The following GNG12 variants were observed in gnomAD, a reference collection of about 807,000 sequenced individuals.
GNG12 encodes G protein subunit gamma 12.
For synonymous variants in GNG12, 28 were observed against 29.7 expected, an observed-to-expected ratio of 0.94 and a Z score of 0.19; for missense variants, 69 against 83.8, an observed-to-expected ratio of 0.82 and a Z score of 0.69.
chr1:67,743,743 A>G (rs1282058465), intron 2 of GNG12, among the ~76,000 whole-genome samples: 1 of 152,232 alleles, frequency 6.6e-6, no homozygotes, highest in Non-Finnish European at 1.5e-5. Context: ...AGACACTTCT[A>G]TATTTCTATT....
intron 1 of GNG12, among the ~76,000 whole-genome samples, chr1:67,786,840 A>T (rs1257773499): frequency 6.6e-6 from 1 of 151,840 alleles, no homozygotes; most frequent in Non-Finnish European, 1.5e-5. Context: ...GGGAGGCTGA[A>T]GCAGGAGAAC....
chr1:67,749,156 TAAG>T (rs1646524419), intron 2 of GNG12, among the ~76,000 whole-genome samples: 1 of 152,176 alleles, frequency 6.6e-6, no homozygotes, highest in Admixed American at 6.5e-5. Context: ...AAAAGGTGTC[TAAG>T]AAGAATAGTC....
chr1:67,733,271 G>A (rs1002610353), intron 2 of GNG12, among the ~76,000 whole-genome samples: 2 of 151,808 alleles, frequency 1.3e-5, no homozygotes, highest in African/African-American at 4.8e-5. Flanking sequence ...TTTTTTAAAT[G>A]AAAAAAATGT....
Position 67,802,163 on chromosome 1 carries a change from T to C in GNG12, c.-76-24656A>G, listed in dbSNP as rs779328135. ...CTGGGTGACCAGAGGAATGAACTCA[T>C]ATGAAGGGGCCAAGGAGGCTGGTAC... On this transcript the variant is annotated intron_variant, in intron 1 of 3. Transcript: ENST00000370982. 2.0e-5 allele frequency among the ~76,000 whole-genome samples: 3 copies of C among 151,954 alleles called. No homozygotes were observed. In the South Asian group the frequency reaches 6.2e-4, roughly 32 times the overall value.
intron 2 of GNG12, among the ~76,000 whole-genome samples, chr1:67,730,449 G>C (rs1322955622): frequency 6.6e-6 from 1 of 152,170 alleles, no homozygotes; most frequent in African/African-American, 2.4e-5. Flanking sequence ...AGGTTGCAGT[G>C]AGCTGAGATC....
At chr1:67,787,036 A>AGAGT (rs374559466) in intron 1 of GNG12, among the ~76,000 whole-genome samples, 7 of 131,368 alleles carry the variant, frequency 5.3e-5, no homozygotes, top group African/African-American at 6.1e-5. Flanking sequence ...TATGTGTATA[A>AGAGT]GTGTGTGTGT....
rs76212667 is a variant in GNG12, at chr1:67,737,855, G to A, written c.-26-30143C>T. ...AAGGGCTCACCCTTTGCAATAAACT[G>A]TCCACTCCCCTTACCATTCCTTGCC... On this transcript the variant is annotated intron_variant, in intron 2 of 3. Coordinates refer to ENST00000370982, the MANE Select transcript of GNG12 (RefSeq NM_018841.6). 2.9e-3 allele frequency among the ~76,000 whole-genome samples: 442 copies of A among 152,220 alleles called. 2 individuals are homozygous for A. Among genetic ancestry groups the A allele is most frequent in the African/African-American group, 9.5e-3 (394 of 41,530 alleles).
chr1:67,770,179 C>A (rs978509575), intron 2 of GNG12, among the ~76,000 whole-genome samples: 3 of 152,106 alleles, frequency 2.0e-5, no homozygotes, highest in African/African-American at 7.2e-5. Flanking sequence ...CTCTAAGACC[C>A]AGAAGGAGGA....
At chr1:67,761,464 C>A (rs551870582) in intron 2 of GNG12, among the ~76,000 whole-genome samples, 2 of 152,138 alleles carry the variant, frequency 1.3e-5, no homozygotes, top group Non-Finnish European at 2.9e-5. Context: ...GTATTGGTGT[C>A]CTCAGGCTCT....
At chr1:67,831,793 AAAAAC>A (rs754020221) in intron 1 of GNG12, among the ~76,000 whole-genome samples, 33 of 152,240 alleles carry the variant, frequency 2.2e-4, no homozygotes, top group Non-Finnish European at 3.7e-4. Context: ...TTAAAAAAAC[AAAAAC>A]AAAACAAAAC....
chr1:67,745,497 C>A (rs1001842055), intron 2 of GNG12, among the ~76,000 whole-genome samples: 9 of 152,238 alleles, frequency 5.9e-5, no homozygotes, highest in Non-Finnish European at 1.3e-4. Flanking sequence ...CCAAGCCCCA[C>A]AGGGTCTGGT....
intron 1 of GNG12, among the ~76,000 whole-genome samples, chr1:67,800,352 G>A (rs776191327): frequency 2.0e-5 from 3 of 152,136 alleles, no homozygotes; most frequent in Non-Finnish European, 2.9e-5. Flanking sequence ...TCCAAGTTTG[G>A]CTTGAATTTT....
At chr1:67,784,029 C>T (rs965224826) in intron 1 of GNG12, among the ~76,000 whole-genome samples, 7 of 151,392 alleles carry the variant, frequency 4.6e-5, no homozygotes, top group Non-Finnish European at 7.4e-5. Flanking sequence ...ATGTTTACTG[C>T]GGCACTATTC....
At chr1:67,774,820 A>G (rs1362558693) in intron 2 of GNG12, among the ~76,000 whole-genome samples, 1 of 152,220 alleles carries the variant, frequency 6.6e-6, no homozygotes, top group African/African-American at 2.4e-5. Context: ...GGACAGGTAC[A>G]TTTTAACCAG....
In GNG12 at chr1:67,777,510, G is replaced by A. The variant is rs1195426034; in HGVS notation, c.-76-3C>T. 1 of 832,894 alleles carries A rather than the reference G, an allele frequency of 1.2e-6. No individual in the cohort carries two copies. Among genetic ancestry groups the A allele is most frequent in the East Asian group, 1.2e-4 (1 of 8,172 alleles). The allele number at this position is 832,894 out of a possible 1,614,324, so 51.6% of individuals were successfully genotyped here. A position where few individuals can be genotyped will look rare whatever the true frequency, so the allele number is the denominator to read the frequency against. On this transcript the variant is annotated splice_region_variant and splice_polypyrimidine_tract_variant and intron_variant, in intron 1 of 3. Transcript: ENST00000370982. ...TTCAGGTTTTAAGTGGAATGAATCT[G>A]AAATAGAATTAAATAAACATTCCAT...
intron 1 of GNG12, among the ~76,000 whole-genome samples, chr1:67,793,533 A>AT (rs980278674): frequency 0.011 from 1,591 of 145,170 alleles, 5 homozygotes; most frequent in African/African-American, 0.018. Context: ...AAGCACTTTG[A>AT]TTTTTTTTTT....
chr1:67,750,879 A>G (rs1207497069), intron 2 of GNG12, among the ~76,000 whole-genome samples: 1 of 152,058 alleles, frequency 6.6e-6, no homozygotes, highest in Non-Finnish European at 1.5e-5. Flanking sequence ...TTCCTTTCCC[A>G]CTTATTAGTC....
At chr1:67,777,535 T>C in intron 1 of GNG12, 28 bp from the exon 2 acceptor site, 2 of 557,918 alleles carry the variant, frequency 3.6e-6, no homozygotes, top group Admixed American at 6.4e-5. Context: ...AAACATTCCA[T>C]AAGTAAATCA....
chr1:67,762,873 G>A (rs1262957044), intron 2 of GNG12, among the ~76,000 whole-genome samples: 2 of 152,184 alleles, frequency 1.3e-5, no homozygotes, highest in African/African-American at 2.4e-5. Flanking sequence ...ATCAGATTGA[G>A]TTTTTAAGGT....
Sources: gnomAD v4.1 joint callset for allele counts (sites outside exome capture counted in the v4.1 genomes callset) on GRCh38, gnomAD v4.1.1 for gene constraint, MANE v1.5 for transcripts, NCBI Gene and HGNC (gene_info 2026-07-23, HGNC 2026-07-21) for gene names.